Variants in PARVA observed in about 807,000 individuals in gnomAD.
The protein encoded by PARVA is parvin alpha, also known as alpha-parvin.
In PARVA, 25 loss-of-function variants were observed where a neutral mutation model predicts 52.6. The ratio of observed to expected loss-of-function variants is 0.48; its 90% CI spans 0.35 to 0.66. The LOEUF (loss-of-function observed/expected upper bound fraction) is 0.66. Ranked by LOEUF, PARVA falls within the 30% of genes least tolerant of loss-of-function variation. PARVA has a pLI of 0.01. For missense variants in PARVA, 373 were observed against 450.9 expected (o/e 0.83, Z 1.56); for synonymous variants, 185 against 179.1 (o/e 1.03, Z -0.26).
intron 6 of PARVA, 149 bp downstream of exon 6, chr11:12,504,578 C>A: frequency 1.6e-6 from 1 of 621,146 alleles, no homozygotes; most frequent in South Asian, 2.0e-5. Context: ...ACTGAATGAG[C>A]TTTCTGTTGC....
intron 1 of PARVA, among the ~76,000 whole-genome samples, chr11:12,471,156 G>A (rs1309659566): frequency 2.0e-5 from 3 of 152,150 alleles, no homozygotes; most frequent in South Asian, 2.1e-4. Context: ...TAAAGAACAG[G>A]TTCATTTTAG....
chr11:12,524,489 C>A (rs1941676528), intron 12 of PARVA, among the ~76,000 whole-genome samples: 1 of 152,202 alleles, frequency 6.6e-6, no homozygotes, highest in South Asian at 2.1e-4. Flanking sequence ...AATCCCCCTG[C>A]CTCTATCAGT....
chr11:12,501,366 A>G (rs768233040), intron 5 of PARVA, among the ~76,000 whole-genome samples: 9 of 152,108 alleles, frequency 5.9e-5, no homozygotes, highest in Non-Finnish European at 1.3e-4. Flanking sequence ...ATGATTTTCA[A>G]TGCATGCAAA....
At chr11:12,377,424 G>A (rs1939407575), upstream of PARVA, 29 of 1,372,218 alleles carry the variant, frequency 2.1e-5, no homozygotes, top group Non-Finnish European at 2.6e-5. Context: ...AGGGGCGCAA[G>A]GCGCGGCCCC....
intron 4 of PARVA, among the ~76,000 whole-genome samples, chr11:12,492,145 C>T (rs1474896210): frequency 1.3e-5 from 2 of 152,146 alleles, no homozygotes; most frequent in South Asian, 4.1e-4. Flanking sequence ...CTCAGTTCTC[C>T]CACCATTCAG....
chr11:12,398,400 G>A (rs185581947), intron 1 of PARVA: 22 of 151,686 alleles, frequency 1.5e-4, no homozygotes, highest in Admixed American at 1.4e-3. Flanking sequence ...ATTTTGGCCT[G>A]GTCTTTTGAA....
At chr11:12,409,058 T>C (rs891502723) in intron 1 of PARVA, among the ~76,000 whole-genome samples, 2 of 152,148 alleles carry the variant, frequency 1.3e-5, no homozygotes, top group African/African-American at 4.8e-5. Context: ...CAAAGGTAGG[T>C]CCCACAGGGC....
In PARVA at chr11:12,514,937, CTTG is replaced by C. The variant is rs749585650; in HGVS notation, c.867+877_867+879del. Among the ~76,000 whole-genome samples the C allele has an allele frequency of 3.0e-4, 45 of 152,346 alleles. 1 individual carries two copies. Among genetic ancestry groups the C allele is most frequent in the Non-Finnish European group, 5.4e-4 (37 of 68,034 alleles). ...AACGTAGAACAACTCCTCGGCCTTT[CTTG>C]TTGTGGCACTGACACTTTTTGAAGT... On this transcript the variant is annotated intron_variant, in intron 10 of 12. Coordinates refer to ENST00000334956, the MANE Select transcript of PARVA (RefSeq NM_018222.5).
intron 1 of PARVA, among the ~76,000 whole-genome samples, chr11:12,449,995 G>C (rs189720111): frequency 6.6e-6 from 1 of 152,180 alleles, no homozygotes; most frequent in African/African-American, 2.4e-5. Context: ...GCCAGGTATT[G>C]TTCCAAACCC....
intron 1 of PARVA, among the ~76,000 whole-genome samples, chr11:12,380,446 G>A (rs117815289): frequency 0.013 from 1,974 of 150,940 alleles, 68 homozygotes; most frequent in South Asian, 0.062. Flanking sequence ...GAAATATGCA[G>A]ACAGAGCAAG....
intron 8 of PARVA, among the ~76,000 whole-genome samples, chr11:12,511,912 T>G (rs1439870242): frequency 6.6e-6 from 1 of 152,220 alleles, no homozygotes; most frequent in African/African-American, 2.4e-5. Context: ...TTCTTGCCAG[T>G]GCACTACTTG....
intron 1 of PARVA, among the ~76,000 whole-genome samples, chr11:12,454,576 T>TAA (rs55992909): frequency 2.5e-4 from 36 of 142,770 alleles, no homozygotes; most frequent in Admixed American, 4.9e-4. Context: ...AAGTATCATT[T>TAA]AAAAAAAAAA....
At chr11:12,393,879 A>ATAG (rs1383822746) in intron 1 of PARVA, among the ~76,000 whole-genome samples, 2 of 152,152 alleles carry the variant, frequency 1.3e-5, no homozygotes, top group Non-Finnish European at 2.9e-5. Flanking sequence ...CTTCCTCTGA[A>ATAG]TAGTAGCTCA....
chr11:12,452,754 C>G, intron 1 of PARVA: 1 of 238,886 alleles, frequency 4.2e-6, no homozygotes, highest in Non-Finnish European at 8.8e-6. Context: ...AGGCAGAATC[C>G]CGCTTGCTTT....
At chr11:12,408,031 G>A (rs563939774) in intron 1 of PARVA, among the ~76,000 whole-genome samples, 1 of 152,162 alleles carries the variant, frequency 6.6e-6, no homozygotes, top group Admixed American at 6.5e-5. Context: ...ACTTGGCTTT[G>A]TTTTCCTTTG....
At chr11:12,396,875 CT>C (rs1939754277) in intron 1 of PARVA, among the ~76,000 whole-genome samples, 2 of 148,656 alleles carry the variant, frequency 1.3e-5, no homozygotes, top group African/African-American at 4.9e-5. Flanking sequence ...GTGAGAAATG[CT>C]TGTTTTGTTC....
In PARVA at chr11:12,452,966, G is replaced by C. The variant is rs1402051419; in HGVS notation, c.137-20779G>C. ...AAACCACAGGGAGGGGGTCAGCTCT[G>C]GGCAGAAGATGCCATGATTGCCATG... is the stretch of plus-strand genomic sequence containing the variant. On this transcript the variant is annotated intron_variant, in intron 1 of 12. Coordinates refer to ENST00000334956, the MANE Select transcript of PARVA (RefSeq NM_018222.5). The C allele has an allele frequency of 6.6e-6, 3 of 456,308 alleles. No homozygotes were observed. The Admixed American group carries it at 7.0e-5, about 11-fold the overall frequency. 28.3% of individuals were successfully genotyped at this position (456,308 alleles called of 1,614,324 possible).
At chr11:12,516,245 T>C (rs1475415425) in intron 10 of PARVA, among the ~76,000 whole-genome samples, 2 of 152,240 alleles carry the variant, frequency 1.3e-5, no homozygotes, top group Admixed American at 1.3e-4. Flanking sequence ...GAGCAGACTC[T>C]GGGCTCCTAA....
chr11:12,387,025 A>G (rs900643004), intron 1 of PARVA, among the ~76,000 whole-genome samples: 6 of 152,258 alleles, frequency 3.9e-5, no homozygotes, highest in African/African-American at 1.4e-4. Flanking sequence ...AGCACAGTTC[A>G]TAATTATGTT....
Sources: gnomAD v4.1 joint callset for allele counts (sites outside exome capture counted in the v4.1 genomes callset) on GRCh38, gnomAD v4.1.1 for gene constraint, MANE v1.5 for transcripts, NCBI Gene and HGNC (gene_info 2026-07-23, HGNC 2026-07-21) for gene names.